The following NOTCH2 variants were observed in gnomAD, a reference collection of about 807,000 sequenced individuals.
NOTCH2 encodes notch receptor 2, also known as neurogenic locus notch homolog protein 2.
In NOTCH2, 29 loss-of-function variants were observed where a neutral mutation model predicts 235.8. That is an observed-to-expected ratio of 0.12 (90% confidence interval 0.09 to 0.17). The LOEUF is 0.17. Among genes scored for constraint, NOTCH2 ranks in the 10% least tolerant of loss-of-function variants. The pLI, the probability that NOTCH2 is intolerant of heterozygous loss-of-function variation, is 1.00. For synonymous variants in NOTCH2, 1,086 were observed against 1,141.5 expected, an observed-to-expected ratio of 0.95 and a Z score of 0.98; for missense variants, 2,285 against 3,150.2, an observed-to-expected ratio of 0.73 and a Z score of 6.57.
chr1:119,940,861 T>G, intron 18 of NOTCH2, 105 bp from the exon 19 acceptor site: 1 of 995,960 alleles, frequency 1.0e-6, no homozygotes, highest in Non-Finnish European at 1.6e-6. Flanking sequence ...CAAATACCTC[T>G]GAGCAACCCA....
Position 119,911,794 on chromosome 1 carries a change from G to A in NOTCH2, c.*3512C>T, listed in dbSNP as rs898871502. On this transcript the variant is annotated 3_prime_UTR_variant, in exon 34 of 34. Transcript: ENST00000256646. ...TTCCATTGGAAGGCACCTTGTCCCT[G>A]AGCAACCATCTGTTTGTCACCAGCT... The A allele has an allele frequency of 3.4e-5, 8 of 233,138 alleles. No individual in the cohort carries two copies. The highest frequency in any genetic ancestry group is 8.8e-5 in the African/African-American group (4 of 45,350). The allele number at this position is 233,138 out of a possible 1,614,324, so 14.4% of individuals were successfully genotyped here. A position where few individuals can be genotyped will look rare whatever the true frequency, so the allele number is the denominator to read the frequency against.
chr1:119,948,297 A>T, intron 17 of NOTCH2, 117 bp downstream of exon 17: 1 of 1,067,032 alleles, frequency 9.4e-7, no homozygotes, highest in Non-Finnish European at 1.4e-6. Context: ...TATGCTGGAT[A>T]AATGACCGGT....
intron 1 of NOTCH2, among the ~76,000 whole-genome samples, chr1:120,039,189 A>C (rs1557858512): frequency 6.6e-6 from 1 of 152,198 alleles, no homozygotes; most frequent in African/African-American, 2.4e-5. Context: ...GAGAGGAAGA[A>C]GCTGTATCAT....
In NOTCH2 at chr1:119,926,540, C is replaced by T. The variant is rs2101164870; in HGVS notation, c.3964G>A (p.Ala1322Thr). ...PCLNGGTCAV[A>T]SNMPDGFICR... Reference sequence around the variant, plus strand: ...ATGAAACCATCAGGCATGTTACTGGCCACAGCACAAGTCCCTCCATTCAGG... The same window carrying T: ...ATGAAACCATCAGGCATGTTACTGGTCACAGCACAAGTCCCTCCATTCAGG... The change falls in exon 24 of 34, where the codon GCC (alanine) becomes ACC (threonine). Residue 1322 changes from alanine (A) to threonine (T), a missense_variant. Transcript: ENST00000256646. 6.2e-7 allele frequency: 1 copy of T among 1,608,314 alleles called. No homozygotes were observed. Among genetic ancestry groups the T allele is most frequent in the South Asian group, 1.1e-5 (1 of 89,820 alleles).
At chr1:119,934,029 T>C (rs1649759046) in intron 22 of NOTCH2, among the ~76,000 whole-genome samples, 1 of 152,236 alleles carries the variant, frequency 6.6e-6, no homozygotes, top group African/African-American at 2.4e-5. Flanking sequence ...CAGAGAAAGG[T>C]AGCCCAACAC....
chr1:119,928,841 T>A, intron 23 of NOTCH2, 135 bp downstream of exon 23: 1 of 751,352 alleles, frequency 1.3e-6, no homozygotes, highest in Non-Finnish European at 2.3e-6. Flanking sequence ...AAACTGGCTT[T>A]AAAAAATTAA....
At chr1:119,983,395 C>T (rs587692188) in intron 5 of NOTCH2, among the ~76,000 whole-genome samples, 2 of 152,208 alleles carry the variant, frequency 1.3e-5, no homozygotes, top group East Asian at 3.9e-4. Context: ...CCAAGAGATC[C>T]ATTCATCTCA....
intron 3 of NOTCH2, among the ~76,000 whole-genome samples, chr1:119,997,952 C>T (rs1378612183): frequency 1.5e-4 from 22 of 143,540 alleles, no homozygotes; most frequent in East Asian, 8.0e-4. Flanking sequence ...CCAGCCTGGG[C>T]GACACAGCAA....
Position 120,063,333 on chromosome 1 carries a change from G to A in NOTCH2, c.73+6001C>T, listed in dbSNP as rs1304894804. Among the ~76,000 whole-genome samples, 5 of 151,778 alleles carry A rather than the reference G, an allele frequency of 3.3e-5. No individual in the cohort carries two copies. The South Asian group carries it at 6.2e-4, about 19-fold the overall frequency. On this transcript the variant is annotated intron_variant, in intron 1 of 33. Coordinates refer to ENST00000256646, the MANE Select transcript of NOTCH2 (RefSeq NM_024408.4). ...GAGGGAAACTGCCGACACCAAATAT[G>A]TGTTCATGAGCTAATGAAGCAGAAA...
intron 21 of NOTCH2, 105 bp from the exon 22 acceptor site, chr1:119,935,709 C>T (rs1649825891): frequency 1.6e-6 from 2 of 1,252,736 alleles, no homozygotes; most frequent in Admixed American, 1.8e-5. Flanking sequence ...CTCCCACCTC[C>T]TAATTTAGCT....
At position 120,005,406 on chromosome 1, in the gene NOTCH2, C is replaced by G. The variant is rs140965343; in HGVS notation, c.338G>C (p.Arg113Pro). The change falls in exon 3 of 34, where the codon CGA becomes CCA. Residue 113 changes from arginine to proline, a missense_variant. Physicochemically the swap from Arg to Pro is moderately radical, Grantham distance 103. Transcript: ENST00000256646. Reference protein sequence around the residue: ...YSTSHPCFVSRPCLNGGTCHM... With the variant: ...YSTSHPCFVSPPCLNGGTCHM... Reference sequence around the variant, plus strand: ...GCATGTGCCGCCATTCAGGCAGGGTCGAGACACAAAGCATGGATGAGATGT... The same window carrying G: ...GCATGTGCCGCCATTCAGGCAGGGTGGAGACACAAAGCATGGATGAGATGT... 8.1e-6 allele frequency: 13 copies of G among 1,613,906 alleles called. No individual in the cohort carries two copies. In the African/African-American group the frequency reaches 1.7e-4, roughly 22 times the overall value.
At chr1:119,941,940 G>C (rs1553196533) in intron 17 of NOTCH2, among the ~76,000 whole-genome samples, 186 bp from the exon 18 acceptor site, 1 of 152,104 alleles carries the variant, frequency 6.6e-6, no homozygotes, top group African/African-American at 2.4e-5. Context: ...TTTTTAACCT[G>C]TTTATTAATT....
intron 29 of NOTCH2, 120 bp downstream of exon 29, chr1:119,921,593 G>A (rs587614921): frequency 2.4e-6 from 2 of 839,620 alleles, no homozygotes; most frequent in East Asian, 5.0e-5. Context: ...TATTGTCTGG[G>A]TAAGACATCA....
At chr1:119,996,577 C>T in intron 4 of NOTCH2, 1 of 766,214 alleles carries the variant, frequency 1.3e-6, no homozygotes, top group Non-Finnish European at 2.4e-6. Flanking sequence ...AAAGCAAAAG[C>T]ACAAGCACAT....
chr1:119,930,762 G>A (rs1649624821), intron 22 of NOTCH2, among the ~76,000 whole-genome samples: 1 of 149,940 alleles, frequency 6.7e-6, no homozygotes, highest in Non-Finnish European at 1.5e-5. Flanking sequence ...CTGGGCAACA[G>A]AGCAAGACTC....
chr1:120,023,393 C>T (rs184008769), intron 2 of NOTCH2, among the ~76,000 whole-genome samples: 69 of 150,162 alleles, frequency 4.6e-4, no homozygotes, highest in South Asian at 2.6e-3. Flanking sequence ...GCCAAGAAAG[C>T]GCCACTGCAC....
intron 5 of NOTCH2, among the ~76,000 whole-genome samples, chr1:119,986,698 T>C (rs1652031446): frequency 6.6e-6 from 1 of 152,208 alleles, no homozygotes; most frequent in Non-Finnish European, 1.5e-5. Context: ...TGCTCTTCTC[T>C]CATATCTGCC....
Position 119,966,684 on chromosome 1 carries a change from G to A in NOTCH2, c.1454-195C>T, listed in dbSNP as rs587732106. The stretch of plus-strand genomic sequence containing the variant: ...ACAGGGCATACTGTGAAATACCCAT[G>A]TCACTGTGAAAAGCGGGAAGGGATT... On this transcript the variant is annotated intron_variant, in intron 8 of 33. Coordinates refer to ENST00000256646, the MANE Select transcript of NOTCH2 (RefSeq NM_024408.4). 3.3e-5 allele frequency among the ~76,000 whole-genome samples: 5 copies of A among 152,270 alleles called. No homozygotes were observed. In the South Asian group the frequency reaches 8.3e-4, roughly 25 times the overall value.
chr1:119,964,105 T>C (rs925380285), intron 10 of NOTCH2, among the ~76,000 whole-genome samples: 9 of 152,326 alleles, frequency 5.9e-5, no homozygotes, highest in Middle Eastern at 6.8e-3. Flanking sequence ...GCTTCAGGTA[T>C]AACAGCTCAA....
Sources: gnomAD v4.1 joint callset for allele counts (sites outside exome capture counted in the v4.1 genomes callset) on GRCh38, gnomAD v4.1.1 for gene constraint, MANE v1.5 for transcripts, NCBI Gene and HGNC (gene_info 2026-07-23, HGNC 2026-07-21) for gene names.